Variants in CPPED1 observed in about 807,000 individuals in gnomAD.
The protein encoded by CPPED1 is calcineurin like phosphoesterase domain containing 1.
Under a neutral mutation model 28.0 loss-of-function variants are expected in CPPED1, and 28 were observed. The observed-to-expected ratio is 1.00, with a 90% CI of 0.74 to 1.37. CPPED1 has a LOEUF of 1.37. Among genes scored for constraint, CPPED1 ranks in the 40% most tolerant of loss-of-function variants. The probability of loss-of-function intolerance (pLI) is 0.00; values close to 1 mark genes in which losing one functional copy is unlikely to be tolerated. For synonymous variants in CPPED1, 198 were observed against 180.2 expected (o/e 1.10, Z -0.79); for missense variants, 504 against 416.5 (o/e 1.21, Z -1.83).
chr16:12,688,390 T>C (rs2079944608), intron 3 of CPPED1, among the ~76,000 whole-genome samples: 1 of 148,740 alleles, frequency 6.7e-6, no homozygotes, highest in African/African-American at 2.5e-5. Flanking sequence ...TGGAGTGCAG[T>C]GGCAAAATTT....
chr16:12,689,913 G>A (rs1221628637), intron 3 of CPPED1, among the ~76,000 whole-genome samples: 1 of 152,166 alleles, frequency 6.6e-6, no homozygotes, highest in African/African-American at 2.4e-5. Flanking sequence ...AGGAAACCAA[G>A]TCGACACTTG....
chr16:12,728,913 G>C (rs1027980917), intron 2 of CPPED1, among the ~76,000 whole-genome samples: 10 of 152,188 alleles, frequency 6.6e-5, no homozygotes, highest in African/African-American at 2.2e-4. Context: ...AGGACAAACG[G>C]TGAGCTCACT....
rs912877321 is a variant in CPPED1 at position 12,663,086 on chromosome 16, G to C, written c.*1800C>G. ...GTTTTTTTTTTTTTTTTTTGAGACA[G>C]AGTCTTGCTCTGTTGCCCAGGCTGG... is the stretch of plus-strand genomic sequence containing the variant. On this transcript the variant is annotated 3_prime_UTR_variant, in exon 4 of 4. Coordinates refer to ENST00000381774, the MANE Select transcript of CPPED1 (RefSeq NM_018340.3). The C allele has an allele frequency of 2.8e-5, 4 of 145,362 alleles. No individual in the cohort carries two copies. The highest frequency in any genetic ancestry group is 6.8e-5 in the Admixed American group (1 of 14,624). The allele number at this position is 145,362 out of a possible 1,614,324, so 9.0% of individuals were successfully genotyped here.
chr16:12,779,052 CTT>C (rs2080514428), intron 2 of CPPED1, among the ~76,000 whole-genome samples: 1 of 152,074 alleles, frequency 6.6e-6, no homozygotes, highest in Non-Finnish European at 1.5e-5. Flanking sequence ...GCATGAAAAA[CTT>C]TTATTTTAAA....
intron 2 of CPPED1, among the ~76,000 whole-genome samples, chr16:12,708,078 C>T (rs1435731806): frequency 1.3e-5 from 2 of 152,104 alleles, no homozygotes; most frequent in Non-Finnish European, 2.9e-5. Flanking sequence ...ACCCGGGAGG[C>T]AGAGGTTGCA....
At chr16:12,799,669 T>TTA (rs2141248533) in intron 1 of CPPED1, among the ~76,000 whole-genome samples, 1 of 152,332 alleles carries the variant, frequency 6.6e-6, no homozygotes, top group Admixed American at 6.5e-5. Context: ...GCGATGCTAA[T>TTA]AGAGTCAGGA....
intron 2 of CPPED1, among the ~76,000 whole-genome samples, chr16:12,740,041 AAAG>A (rs1596466502): frequency 6.6e-6 from 1 of 152,080 alleles, no homozygotes; most frequent in Non-Finnish European, 1.5e-5. Flanking sequence ...AAAGAAAAGA[AAAG>A]AAAAGAAAAG....
intron 2 of CPPED1, among the ~76,000 whole-genome samples, chr16:12,762,005 ACT>A (rs1417419014): frequency 1.5e-5 from 2 of 129,796 alleles, no homozygotes; most frequent in Non-Finnish European, 3.3e-5. Flanking sequence ...GCAAAGCAAG[ACT>A]CTGTCTCCAA....
intron 2 of CPPED1, among the ~76,000 whole-genome samples, chr16:12,737,419 G>A (rs1451828071): frequency 3.9e-5 from 6 of 152,146 alleles, no homozygotes; most frequent in Admixed American, 2.0e-4. Flanking sequence ...ACCCCTTACA[G>A]GTGGGGCCCA....
At chr16:12,770,042 G>C (rs1339582923) in intron 2 of CPPED1, among the ~76,000 whole-genome samples, 1 of 152,154 alleles carries the variant, frequency 6.6e-6, no homozygotes, top group Admixed American at 6.5e-5. Flanking sequence ...AACGGTTTCT[G>C]TTCAATGGAA....
intron 3 of CPPED1, among the ~76,000 whole-genome samples, chr16:12,680,324 G>T (rs1263546802): frequency 6.6e-6 from 1 of 151,902 alleles, no homozygotes; most frequent in Admixed American, 6.6e-5. Context: ...ATTTTTTCCT[G>T]TTCACCTGTT....
chr16:12,758,335 A>C (rs749193218), intron 2 of CPPED1, among the ~76,000 whole-genome samples: 10 of 152,200 alleles, frequency 6.6e-5, no homozygotes, highest in Non-Finnish European at 1.3e-4. Context: ...AATAGCTCCT[A>C]AATGACATTG....
chr16:12,734,057 C>CTTTT (rs1567289981), intron 2 of CPPED1, among the ~76,000 whole-genome samples: 1 of 102,978 alleles, frequency 9.7e-6, no homozygotes. Flanking sequence ...TCAAATTACA[C>CTTTT]GTTTTTTTTT....
intron 2 of CPPED1, among the ~76,000 whole-genome samples, chr16:12,778,278 T>TTTC (rs756282139): frequency 2.7e-4 from 5 of 18,556 alleles, no homozygotes; most frequent in African/African-American, 9.3e-4. Context: ...TCTTTCTTTC[T>TTTC]TTTTTTTTTT....
chr16:12,733,767 A>G (rs1345616015), intron 2 of CPPED1, among the ~76,000 whole-genome samples: 1 of 152,160 alleles, frequency 6.6e-6, no homozygotes, highest in African/African-American at 2.4e-5. Flanking sequence ...AATTAGCTCA[A>G]CTCACGAGGG....
At chr16:12,743,872 G>A (rs928462361) in intron 2 of CPPED1, among the ~76,000 whole-genome samples, 3 of 152,114 alleles carry the variant, frequency 2.0e-5, no homozygotes, top group African/African-American at 7.2e-5. Flanking sequence ...AGGAGTGGTG[G>A]CTCACACCTG....
chr16:12,687,089 C>G (rs749062803), intron 3 of CPPED1, among the ~76,000 whole-genome samples: 4 of 152,032 alleles, frequency 2.6e-5, no homozygotes, highest in African/African-American at 9.7e-5. Flanking sequence ...CTCAATTTTG[C>G]CTCTTGTCCC....
At chr16:12,701,167 T>C (rs2080018370) in intron 3 of CPPED1, among the ~76,000 whole-genome samples, 1 of 151,564 alleles carries the variant, frequency 6.6e-6, no homozygotes, top group East Asian at 1.9e-4. Flanking sequence ...AATCCAGGGC[T>C]GCAGTGAGCT....
intron 2 of CPPED1, among the ~76,000 whole-genome samples, chr16:12,729,775 G>C (rs1048569041): frequency 2.6e-5 from 4 of 152,154 alleles, no homozygotes; most frequent in African/African-American, 9.7e-5. Flanking sequence ...GTAAAGGCAG[G>C]AAACTCTCAA....
Sources: gnomAD v4.1 joint callset for allele counts (sites outside exome capture counted in the v4.1 genomes callset) on GRCh38, gnomAD v4.1.1 for gene constraint, MANE v1.5 for transcripts, NCBI Gene and HGNC (gene_info 2026-07-23, HGNC 2026-07-21) for gene names.